ZNF251: variants seen among roughly 807,000 people sequenced by gnomAD.
ZNF251 encodes the protein zinc finger protein 251.
ZNF251 carries 14 observed loss-of-function variants against 13.5 expected under a neutral mutation model. That is an observed-to-expected ratio of 1.04 (90% CI 0.69 to 1.63). The LOEUF is 1.63. Ranked by LOEUF, ZNF251 falls within the 40% of genes most tolerant of loss-of-function variation. ZNF251 has a pLI of 0.00. For missense variants in ZNF251, 764 were observed against 834.9 expected, an observed-to-expected ratio of 0.92 and a Z score of 1.05; for synonymous variants, 287 against 295.2, an observed-to-expected ratio of 0.97 and a Z score of 0.28.
At chr8:144,743,071 A>C (rs1413543290) in intron 4 of ZNF251, among the ~76,000 whole-genome samples, 1 of 151,710 alleles carries the variant, frequency 6.6e-6, no homozygotes, top group Non-Finnish European at 1.5e-5. Context: ...ATTTTTATTT[A>C]TTTTATTTTT....
intron 4 of ZNF251, among the ~76,000 whole-genome samples, chr8:144,749,979 T>TACACTA (rs1563770869): frequency 6.6e-6 from 1 of 151,564 alleles, no homozygotes; most frequent in Admixed American, 6.6e-5. Flanking sequence ...CTATGAGGAG[T>TACACTA]TGCAAATACA....
chr8:144,732,623 C>A (rs10090907), intron 4 of ZNF251, among the ~76,000 whole-genome samples: 1 of 151,222 alleles, frequency 6.6e-6, no homozygotes, highest in Non-Finnish European at 1.5e-5. Flanking sequence ...CCATCCTGGC[C>A]AACACGGTGA....
At chr8:144,749,404 G>A (rs778908793) in intron 4 of ZNF251, among the ~76,000 whole-genome samples, 4 of 152,074 alleles carry the variant, frequency 2.6e-5, no homozygotes, top group Admixed American at 6.6e-5. Context: ...AGGATCACTC[G>A]AGCCTGGGAG....
intron 4 of ZNF251, among the ~76,000 whole-genome samples, chr8:144,743,494 T>G (rs1458269242): frequency 2.0e-5 from 3 of 152,214 alleles, no homozygotes; most frequent in Non-Finnish European, 4.4e-5. Flanking sequence ...TGAATAAGGT[T>G]TGGTAATTAT....
Position 144,754,795 on chromosome 8 carries a change from CGAACTTACCTTCAGTGGGGA to C in ZNF251, c.-75-12_-68del, listed in dbSNP as rs1824879998. ...AGACTGCCCTGGCCTGAAGTCTCCC[CGAACTTACCTTCAGTGGGGA>C]GAACTCAGGCTCAGCCCCATTCAAC... is the stretch of plus-strand genomic sequence containing the variant. On this transcript the variant is annotated splice_acceptor_variant and splice_polypyrimidine_tract_variant and 5_prime_UTR_variant and intron_variant, in exon 2 of 5. Coordinates refer to ENST00000292562, the MANE Select transcript of ZNF251 (RefSeq NM_138367.2). LOFTEE classifies it low-confidence loss of function (5UTR_SPLICE). The C allele has an allele frequency of 6.3e-7, 1 of 1,581,360 alleles. No homozygotes were observed. Among genetic ancestry groups the C allele is most frequent in the Non-Finnish European group, 8.6e-7 (1 of 1,164,484 alleles).
At chr8:144,749,864 C>A (rs1056243001) in intron 4 of ZNF251, among the ~76,000 whole-genome samples, 3 of 143,724 alleles carry the variant, frequency 2.1e-5, no homozygotes, top group African/African-American at 8.0e-5. Context: ...CTTAAAATTT[C>A]TTTTTCTTTT....
intron 4 of ZNF251, among the ~76,000 whole-genome samples, chr8:144,752,482 T>C (rs1824743852): frequency 6.6e-6 from 1 of 152,202 alleles, no homozygotes; most frequent in African/African-American, 2.4e-5. Flanking sequence ...GATAACATTT[T>C]GAACTAAATG....
chr8:144,741,255 A>G (rs1421551556), intron 4 of ZNF251, among the ~76,000 whole-genome samples: 1 of 152,268 alleles, frequency 6.6e-6, no homozygotes, highest in Non-Finnish European at 1.5e-5. Flanking sequence ...AGCCTCAGAA[A>G]GCTCAGTGCC....
rs779946465 is a variant in ZNF251, at chr8:144,722,830, T to C, written c.830A>G (p.Asn277Ser). 1.1e-4 allele frequency: 184 copies of C among 1,613,900 alleles called. No individual in the cohort carries two copies. The highest frequency in any genetic ancestry group is 1.5e-4 in the Non-Finnish European group (175 of 1,179,898). The stretch of plus-strand genomic sequence containing the variant: ...TCTCCGATGAAGACGGAGGTGAGAA[T>C]TGAGTCCAAAAGTTTTCCCACATTC... Reference protein sequence around the residue: ...CDECGKTFGLNSHLRLHRRIH... With the variant: ...CDECGKTFGLSSHLRLHRRIH... The change falls in exon 5 of 5, where the codon AAT (asparagine) becomes AGT (serine). Residue 277 changes from asparagine to serine, a missense_variant. Physicochemically the swap from Asn to Ser is conservative, Grantham distance 46 (BLOSUM62 1). Coordinates refer to ENST00000292562, the MANE Select transcript of ZNF251 (RefSeq NM_138367.2). This position sits in a 1 kb window ranked among gnomAD's most constrained non-coding sequence, Gnocchi z 4.8.
At chr8:144,736,121 C>A (rs1273592419) in intron 4 of ZNF251, among the ~76,000 whole-genome samples, 1 of 152,208 alleles carries the variant, frequency 6.6e-6, no homozygotes, top group Non-Finnish European at 1.5e-5. Context: ...AAGCTGGTGG[C>A]CGTCAAACAC....
intron 4 of ZNF251, among the ~76,000 whole-genome samples, chr8:144,750,960 C>T (rs762489066): frequency 1.3e-5 from 2 of 151,654 alleles, no homozygotes; most frequent in Non-Finnish European, 2.9e-5. Context: ...AGCGATTCTC[C>T]TGCCTCAGCC....
Position 144,755,452 on chromosome 8 carries a change from C to G in ZNF251, c.-123G>C. The G allele has an allele frequency of 1.6e-6, 2 of 1,287,860 alleles. No individual in the cohort carries two copies. Among genetic ancestry groups the G allele is most frequent in the Non-Finnish European group, 2.0e-6 (2 of 988,790 alleles). The allele number at this position is 1,287,860 out of a possible 1,614,324, so 79.8% of individuals were successfully genotyped here. ...CCACCGAGGAAGCGCCGAGGAGCTGCGCAGTCGCACCGAGCCCGGAACGGA... is the reference window on the plus strand; with the variant it reads ...CCACCGAGGAAGCGCCGAGGAGCTGGGCAGTCGCACCGAGCCCGGAACGGA... On this transcript the variant is annotated 5_prime_UTR_variant, in exon 1 of 5. Transcript: ENST00000292562.
intron 4 of ZNF251, among the ~76,000 whole-genome samples, chr8:144,751,523 T>C (rs1824692697): frequency 6.6e-6 from 1 of 152,176 alleles, no homozygotes; most frequent in Non-Finnish European, 1.5e-5. Context: ...TTATGTATAC[T>C]GTAAACCTTA....
chr8:144,752,389 T>C (rs1451315953), intron 4 of ZNF251, among the ~76,000 whole-genome samples: 1 of 152,028 alleles, frequency 6.6e-6, no homozygotes, highest in Non-Finnish European at 1.5e-5. Flanking sequence ...AACAATAAGA[T>C]AACTAGGAAA....
intron 1 of ZNF251, 181 bp downstream of exon 1, chr8:144,755,224 A>C (rs1824903906): frequency 8.5e-7 from 1 of 1,172,300 alleles, no homozygotes. Flanking sequence ...TGTGGTCCTC[A>C]GTCCAGCCTT....
intron 1 of ZNF251, 124 bp downstream of exon 1, chr8:144,755,281 G>A: frequency 8.4e-7 from 1 of 1,195,642 alleles, no homozygotes; most frequent in East Asian, 7.6e-5. Flanking sequence ...GCAGCCCGTC[G>A]GTGGCTCCCG....
chr8:144,731,662 C>T lies in ZNF251; in HGVS notation c.278-8280G>A, dbSNP rs555766068. Among the ~76,000 whole-genome samples the T allele has an allele frequency of 6.8e-4, 104 of 152,348 alleles. 1 individual carries two copies. Among genetic ancestry groups the T allele is most frequent in the Non-Finnish European group, 1.2e-3 (79 of 68,028 alleles). On this transcript the variant is annotated intron_variant, in intron 4 of 4. Coordinates refer to ENST00000292562, the MANE Select transcript of ZNF251 (RefSeq NM_138367.2). The stretch of plus-strand genomic sequence containing the variant: ...AGTGCAGTGGCACGATTTCTGCTCA[C>T]GGCAACCTCTGCCTCCCAGGTTCAA...
chr8:144,739,827 TA>T (rs1824075767), intron 4 of ZNF251, among the ~76,000 whole-genome samples: 1 of 148,546 alleles, frequency 6.7e-6, no homozygotes, highest in East Asian at 2.0e-4. Context: ...CCTGGGAGGG[TA>T]AGGCTGCAGC....
At position 144,721,586 on chromosome 8, in the gene ZNF251, CATCTT is replaced by C; in HGVS notation, c.*53_*57del. The C allele has an allele frequency of 7.7e-7, 1 of 1,292,558 alleles. No individual in the cohort carries two copies. Among genetic ancestry groups the C allele is most frequent in the Middle Eastern group, 2.2e-4 (1 of 4,538 alleles). 80.1% of individuals were successfully genotyped at this position (1,292,558 alleles called of 1,614,324 possible). On this transcript the variant is annotated 3_prime_UTR_variant, in exon 5 of 5. Transcript: ENST00000292562. ...AGACCTTATATATCTTTCATTATGCCATCTTATCTTCTAATGTCAAGTGAACAGTT... is the reference window on the plus strand; with the variant it reads ...AGACCTTATATATCTTTCATTATGCCATCTTCTAATGTCAAGTGAACAGTT...
Sources: allele counts gnomAD v4.1 joint callset (sites outside exome capture counted in the v4.1 genomes callset), GRCh38; gene constraint gnomAD v4.1.1; non-coding constraint Gnocchi (gnomAD v3.1); transcripts MANE v1.5; gene names NCBI Gene and HGNC (gene_info 2026-07-23, HGNC 2026-07-21).